Variants in KAZN observed in about 807,000 individuals in gnomAD.
KAZN encodes the protein kazrin, periplakin interacting protein, also known as kazrin.
Under a neutral mutation model 87.4 loss-of-function variants are expected in KAZN, and 40 were observed. The observed-to-expected ratio is 0.46, with a 90% CI of 0.36 to 0.60. The LOEUF (loss-of-function observed/expected upper bound fraction) is 0.60. Ranked by LOEUF, KAZN falls within the 20% of genes least tolerant of loss-of-function variation. KAZN has a pLI of 0.00. For synonymous variants in KAZN, 466 were observed against 458.3 expected, an observed-to-expected ratio of 1.02 and a Z score of -0.22; for missense variants, 898 against 1,073.9, an observed-to-expected ratio of 0.84 and a Z score of 2.29.
At chr1:14,053,931 G>T (rs1017156484) in intron 1 of KAZN, among the ~76,000 whole-genome samples, 1 of 152,080 alleles carries the variant, frequency 6.6e-6, no homozygotes, top group African/African-American at 2.4e-5. Flanking sequence ...AGAAAAAAAT[G>T]TTACTAAGGG....
intron 1 of KAZN, among the ~76,000 whole-genome samples, chr1:14,936,261 C>T (rs575687407): frequency 2.3e-4 from 35 of 152,276 alleles, no homozygotes; most frequent in African/African-American, 7.5e-4. Context: ...GGTTGCTTTA[C>T]GAGAGCCCGT....
intron 2 of KAZN, among the ~76,000 whole-genome samples, chr1:14,588,854 T>C (rs1046512524): frequency 6.6e-6 from 1 of 152,234 alleles, no homozygotes; most frequent in African/African-American, 2.4e-5. Context: ...TCTTTTCTTC[T>C]AGACAGTTTC....
At chr1:14,259,823 T>C (rs10754915) in intron 2 of KAZN, among the ~76,000 whole-genome samples, 148,271 of 152,308 alleles carry the variant, frequency 0.97, 72,188 homozygotes, top group East Asian at 1. Flanking sequence ...CTTTACTTTG[T>C]GACAGTGACT....
chr1:14,671,719 G>A (rs2148737904), intron 1 of KAZN, among the ~76,000 whole-genome samples: 1 of 152,222 alleles, frequency 6.6e-6, no homozygotes, highest in Middle Eastern at 3.4e-3. Flanking sequence ...ATAAAGAAAA[G>A]TAAAAATGAA....
At chr1:14,751,297 G>A (rs1399082917) in intron 1 of KAZN, among the ~76,000 whole-genome samples, 2 of 152,306 alleles carry the variant, frequency 1.3e-5, no homozygotes, top group East Asian at 3.9e-4. Context: ...TGAATTGAAT[G>A]TGTACTTGCA....
rs1314508652 is a variant in KAZN, at chr1:14,732,441, C to A, written c.226+133218C>A. Among the ~76,000 whole-genome samples the A allele has an allele frequency of 3.9e-5, 6 of 152,138 alleles. No individual in the cohort carries two copies. The East Asian group carries it at 9.6e-4, about 24-fold the overall frequency. ...ATTGCTTGAGCTCAGGAGTTCAAGA[C>A]CAGCCGGGCCAATATGGTGAAACCC... On this transcript the variant is annotated intron_variant, in intron 1 of 14. Coordinates refer to ENST00000376030, the MANE Select transcript of KAZN (RefSeq NM_201628.3).
chr1:14,281,017 G>T (rs1358848713), intron 2 of KAZN, among the ~76,000 whole-genome samples: 1 of 152,210 alleles, frequency 6.6e-6, no homozygotes, highest in Non-Finnish European at 1.5e-5. Context: ...CTCTGAACTT[G>T]CAGGATCCCA....
intron 1 of KAZN, among the ~76,000 whole-genome samples, chr1:14,001,120 C>T (rs906767555): frequency 3.3e-5 from 5 of 152,094 alleles, no homozygotes; most frequent in Non-Finnish European, 5.9e-5. Context: ...TCATCTCAGC[C>T]CCAAAACTCC....
intron 4 of KAZN, among the ~76,000 whole-genome samples, chr1:15,045,616 A>G (rs1673393246): frequency 1.3e-5 from 2 of 152,196 alleles, no homozygotes; most frequent in African/African-American, 4.8e-5. Flanking sequence ...TCATTCCTAC[A>G]CTGCTATAAA....
chr1:14,189,489 G>A (rs760432382), intron 2 of KAZN, among the ~76,000 whole-genome samples: 1 of 152,096 alleles, frequency 6.6e-6, no homozygotes, highest in African/African-American at 2.4e-5. Flanking sequence ...GGATTGCCTG[G>A]GTAATTCTGC....
At chr1:14,795,709 A>G (rs934701700) in intron 1 of KAZN, among the ~76,000 whole-genome samples, 4 of 151,982 alleles carry the variant, frequency 2.6e-5, no homozygotes, top group Non-Finnish European at 5.9e-5. Flanking sequence ...GCTGGTGCTC[A>G]TTCCACACCA....
chr1:14,539,157 T>C (rs1053464520), intron 2 of KAZN, among the ~76,000 whole-genome samples: 3 of 152,176 alleles, frequency 2.0e-5, no homozygotes, highest in Non-Finnish European at 4.4e-5. Flanking sequence ...CTAAGGGGAA[T>C]TGCAAATATT....
rs1296429407 is a variant in KAZN at position 15,039,384 on chromosome 1, C to T, written c.555+4499C>T. Reference sequence around the variant, plus strand: ...TAGGACTGGGCCTGGCCTGGGCCACCGTCCCCACACCACTCAGTGCATGTT... The same window carrying T: ...TAGGACTGGGCCTGGCCTGGGCCACTGTCCCCACACCACTCAGTGCATGTT... On this transcript the variant is annotated intron_variant, in intron 3 of 14. Transcript: ENST00000376030. 4.6e-5 allele frequency among the ~76,000 whole-genome samples: 7 copies of T among 152,120 alleles called. No individual in the cohort carries two copies. The South Asian group carries it at 1.5e-3, about 32-fold the overall frequency.
chr1:15,029,572 A>G (rs1671481900), intron 2 of KAZN, among the ~76,000 whole-genome samples: 1 of 152,192 alleles, frequency 6.6e-6, no homozygotes, highest in Non-Finnish European at 1.5e-5. Flanking sequence ...AGGGAGACCC[A>G]CAGAAGCCAC....
Position 14,598,747 on chromosome 1 carries a change from CCTT to C in KAZN, c.-248_-246del. 1 of 1,337,636 alleles carries C rather than the reference CCTT, an allele frequency of 7.5e-7. No individual in the cohort carries two copies. Among genetic ancestry groups the C allele is most frequent in the South Asian group, 2.1e-5 (1 of 48,112 alleles). The allele number at this position is 1,337,636 out of a possible 1,614,324, so 82.9% of individuals were successfully genotyped here. A position where few individuals can be genotyped will look rare whatever the true frequency, so the allele number is the denominator to read the frequency against. ...CTCGGCGATCGCTGCTCCTCCTCCT[CCTT>C]CTCCTCCTCTTTTTTCTCCTCCGCC... On this transcript the variant is annotated 5_prime_UTR_variant, in exon 1 of 15. Transcript: ENST00000376030. The surrounding 1 kb of genome is among the most constrained non-coding windows in gnomAD (Gnocchi z 4.2).
chr1:14,496,397 C>T (rs1197289381), intron 2 of KAZN, among the ~76,000 whole-genome samples: 2 of 152,094 alleles, frequency 1.3e-5, no homozygotes. Flanking sequence ...GGTGCTTGTG[C>T]ATGCGAATAT....
At chr1:14,414,652 T>C (rs917003731) in intron 2 of KAZN, among the ~76,000 whole-genome samples, 3 of 152,112 alleles carry the variant, frequency 2.0e-5, no homozygotes, top group African/African-American at 7.2e-5. Flanking sequence ...GTTATACGTA[T>C]GTAGCAAAAA....
intron 2 of KAZN, among the ~76,000 whole-genome samples, chr1:14,498,248 C>T (rs1016524584): frequency 5.3e-5 from 8 of 152,204 alleles, no homozygotes; most frequent in African/African-American, 1.9e-4. Context: ...GGACTCGTTC[C>T]TCCACCTCCT....
chr1:14,477,364 C>T (rs924507633), intron 2 of KAZN, among the ~76,000 whole-genome samples: 5 of 151,942 alleles, frequency 3.3e-5, no homozygotes, highest in Non-Finnish European at 5.9e-5. Flanking sequence ...TTCCCAGCTT[C>T]GGGTACGTCT....
Sources: gnomAD v4.1 joint callset for allele counts (sites outside exome capture counted in the v4.1 genomes callset) on GRCh38, gnomAD v4.1.1 for gene constraint, Gnocchi (gnomAD v3.1) non-coding constraint, MANE v1.5 for transcripts, NCBI Gene and HGNC (gene_info 2026-07-23, HGNC 2026-07-21) for gene names.